The following RHOH variants were observed in gnomAD, a reference collection of about 807,000 sequenced individuals.
RHOH encodes the protein rho-related GTP-binding protein RhoH.
Under a neutral mutation model 13.8 loss-of-function variants are expected in RHOH, and 6 were observed. The ratio of observed to expected loss-of-function variants is 0.44; its 90% CI spans 0.24 to 0.86. The LOEUF (loss-of-function observed/expected upper bound fraction) is 0.86. RHOH is among the 40% of genes least tolerant of loss of function. RHOH has a pLI of 0.24. For synonymous variants in RHOH, 117 were observed against 103.0 expected, an observed-to-expected ratio of 1.14 and a Z score of -0.82; for missense variants, 147 against 244.5, an observed-to-expected ratio of 0.60 and a Z score of 2.66.
intron 1 of RHOH, among the ~76,000 whole-genome samples, chr4:40,210,268 G>A (rs182836019): frequency 6.6e-6 from 1 of 152,310 alleles, no homozygotes; most frequent in East Asian, 1.9e-4. Context: ...TACCAACGGG[G>A]ACTTAAAGCA....
chr4:40,195,354 T>C (rs901974047), upstream of RHOH, among the ~76,000 whole-genome samples: 22 of 92,048 alleles, frequency 2.4e-4, no homozygotes, highest in African/African-American at 9.4e-4. Flanking sequence ...CTTTCTTTCT[T>C]TTCCTTCCTT....
At chr4:40,196,319 A>G (rs1258733560), upstream of RHOH, among the ~76,000 whole-genome samples, 1 of 152,166 alleles carries the variant, frequency 6.6e-6, no homozygotes, top group African/African-American at 2.4e-5. Context: ...CAAAAGTTCA[A>G]TTTGTTGGGT....
At chr4:40,225,180 C>T (rs976028420) in intron 1 of RHOH, among the ~76,000 whole-genome samples, 3 of 152,066 alleles carry the variant, frequency 2.0e-5, no homozygotes, top group Non-Finnish European at 4.4e-5. Flanking sequence ...CTGGCGAAAT[C>T]GGCTCACTGC....
At position 40,243,593 on chromosome 4, in the gene RHOH, G is replaced by A. The variant is rs1196654428; in HGVS notation, c.207G>A (p.Arg69=). The stretch of plus-strand genomic sequence containing the variant: ...GCAATGACGCCTTCAGAAGCATCCG[G>A]CCCCTGTCCTACCAGCAGGCAGACG... ...TAGNDAFRSI[R]PLSYQQADVV... is the part of the protein sequence containing the mutation. The change falls in exon 3 of 3, where the codon CGG becomes CGA. Residue 69 remains arginine, a synonymous_variant. Coordinates refer to ENST00000381799, the MANE Select transcript of RHOH (RefSeq NM_004310.5). The surrounding 1 kb of genome is among the most constrained non-coding windows in gnomAD (Gnocchi z 6.2). 6.2e-7 allele frequency: 1 copy of A among 1,614,144 alleles called. No individual in the cohort carries two copies. Among genetic ancestry groups the A allele is most frequent in the East Asian group, 2.2e-5 (1 of 44,874 alleles).
intron 1 of RHOH, among the ~76,000 whole-genome samples, chr4:40,210,250 ACAATACCTAC>A (rs1376454194): frequency 4.6e-5 from 7 of 152,238 alleles, no homozygotes; most frequent in Non-Finnish European, 1.0e-4. Flanking sequence ...TGAAAGTGAT[ACAATACCTAC>A]CAACGGGGAC....
At chr4:40,195,794 G>C (rs768053407), upstream of RHOH, among the ~76,000 whole-genome samples, 2 of 152,276 alleles carry the variant, frequency 1.3e-5, no homozygotes, top group South Asian at 2.1e-4. Flanking sequence ...TCTTCAGAAG[G>C]CTCGAGGATC....
At chr4:40,231,192 T>G (rs141488004) in intron 1 of RHOH, among the ~76,000 whole-genome samples, 4 of 152,182 alleles carry the variant, frequency 2.6e-5, no homozygotes, top group Non-Finnish European at 4.4e-5. Flanking sequence ...TTTTGAAACC[T>G]GCTTTCCACC....
intron 1 of RHOH, among the ~76,000 whole-genome samples, chr4:40,216,640 C>T (rs1725932750): frequency 6.6e-6 from 1 of 152,074 alleles, no homozygotes; most frequent in Non-Finnish European, 1.5e-5. Flanking sequence ...GAAACAAGAT[C>T]TTTTTAGGGC....
At chr4:40,211,152 A>G (rs951965112) in intron 1 of RHOH, among the ~76,000 whole-genome samples, 1 of 152,298 alleles carries the variant, frequency 6.6e-6, no homozygotes, top group Middle Eastern at 3.4e-3. Flanking sequence ...TCTTATTTCG[A>G]TGTATATCTT....
chr4:40,244,651 CATTT>C lies in RHOH; in HGVS notation c.*695_*698del, dbSNP rs1327080073. On this transcript the variant is annotated 3_prime_UTR_variant, in exon 3 of 3. Transcript: ENST00000381799. ...TTTTCTGAAATGATAAAACATCATTCATTTATTTACTATATTGTCTTTCACTCAA... is the reference window on the plus strand; with the variant it reads ...TTTTCTGAAATGATAAAACATCATTCATTTACTATATTGTCTTTCACTCAA... 2 of 193,832 alleles carry C rather than the reference CATTT, an allele frequency of 1.0e-5. No individual in the cohort carries two copies. The highest frequency in any genetic ancestry group is 8.8e-5 in the East Asian group (1 of 11,322). 12.0% of individuals were successfully genotyped at this position (193,832 alleles called of 1,614,324 possible).
intron 1 of RHOH, among the ~76,000 whole-genome samples, chr4:40,201,933 T>G (rs1429638091): frequency 2.0e-5 from 3 of 151,150 alleles, no homozygotes; most frequent in Non-Finnish European, 4.4e-5. Flanking sequence ...TCTGGCAACA[T>G]TAACTCCATG....
intron 1 of RHOH, among the ~76,000 whole-genome samples, chr4:40,235,854 C>T (rs1728504159): frequency 6.6e-6 from 1 of 151,772 alleles, no homozygotes; most frequent in South Asian, 2.1e-4. Flanking sequence ...TAGTAGCACG[C>T]AACTGTAGTC....
At chr4:40,198,006 C>T (rs1723436122) in intron 1 of RHOH, among the ~76,000 whole-genome samples, 1 of 152,154 alleles carries the variant, frequency 6.6e-6, no homozygotes, top group Non-Finnish European at 1.5e-5. Context: ...CTTATTGGTT[C>T]TAAGCTGGTG....
chr4:40,196,976 G>C (rs1342661207), upstream of RHOH: 1 of 148,850 alleles, frequency 6.7e-6, no homozygotes, highest in African/African-American at 2.5e-5. Flanking sequence ...CCCCCTCTGC[G>C]GAGAAGCCGG....
chr4:40,243,719 G>T lies in RHOH; in HGVS notation c.333G>T (p.Val111=). The T allele has an allele frequency of 6.2e-7, 1 of 1,614,186 alleles. No homozygotes were observed. The highest frequency in any genetic ancestry group is 1.1e-5 in the South Asian group (1 of 91,084). Residue 111 remains valine (V), a synonymous_variant, in exon 3 of 3, where the codon GTG becomes GTT. Transcript: ENST00000381799. This position sits in a 1 kb window ranked among gnomAD's most constrained non-coding sequence, Gnocchi z 6.2. ...EIRSNLPCTP[V]LVVATQTDQR... is the part of the protein sequence containing the mutation. ...GGAGCAACTTGCCCTGTACCCCTGT[G>T]CTGGTGGTGGCCACCCAGACTGACC...
Position 40,245,884 on chromosome 4 carries a change from G to A in RHOH, c.*1922G>A, listed in dbSNP as rs1038678227. The A allele has an allele frequency of 6.6e-6, 1 of 152,174 alleles. No individual in the cohort carries two copies. Among genetic ancestry groups the A allele is most frequent in the African/African-American group, 2.4e-5 (1 of 41,422 alleles). 9.4% of individuals were successfully genotyped at this position (152,174 alleles called of 1,614,324 possible). On this transcript the variant is annotated 3_prime_UTR_variant, in exon 3 of 3. Coordinates refer to ENST00000381799, the MANE Select transcript of RHOH (RefSeq NM_004310.5). The stretch of plus-strand genomic sequence containing the variant: ...CTATCCACAGCCAGTAAAAGGCCTG[G>A]GACCGGGGTCTTGATCTCTGGTGGG...
intron 1 of RHOH, among the ~76,000 whole-genome samples, chr4:40,226,239 G>A (rs1009997891): frequency 3.9e-5 from 6 of 152,204 alleles, no homozygotes; most frequent in Admixed American, 2.0e-4. Flanking sequence ...AAATCTAACC[G>A]TGACTGTCTG....
intron 1 of RHOH, among the ~76,000 whole-genome samples, chr4:40,233,886 A>G (rs1728238594): frequency 6.6e-6 from 1 of 152,012 alleles, no homozygotes; most frequent in Admixed American, 6.6e-5. Flanking sequence ...GGATCATGCC[A>G]CTGCAGTCCA....
rs115424617 is a variant in RHOH, at chr4:40,211,310, G to A, written c.-331+14010G>A. On this transcript the variant is annotated intron_variant, in intron 1 of 2. Transcript: ENST00000381799. Reference sequence around the variant, plus strand: ...AGACAGCCTCTCTCTTTCTCACCGAGGCCAGAGTGCAGTGGTGCAATCTCA... The same window carrying A: ...AGACAGCCTCTCTCTTTCTCACCGAAGCCAGAGTGCAGTGGTGCAATCTCA... 5.3e-3 allele frequency among the ~76,000 whole-genome samples: 803 copies of A among 151,854 alleles called. 7 individuals are homozygous for A. The highest frequency in any genetic ancestry group is 0.018 in the African/African-American group (764 of 41,420).
Sources: allele counts gnomAD v4.1 joint callset (sites outside exome capture counted in the v4.1 genomes callset), GRCh38; gene constraint gnomAD v4.1.1; non-coding constraint Gnocchi (gnomAD v3.1); transcripts MANE v1.5; gene names NCBI Gene and HGNC (gene_info 2026-07-23, HGNC 2026-07-21).